FHIT: variants seen among roughly 807,000 people sequenced by gnomAD.
The protein encoded by FHIT is bis(5'-adenosyl)-triphosphatase.
Under a neutral mutation model 17.9 loss-of-function variants are expected in FHIT, and 19 were observed. That is an observed-to-expected ratio of 1.06 (90% CI 0.74 to 1.56). FHIT has a LOEUF of 1.56. FHIT is among the 40% of genes most tolerant of loss of function. The pLI is 0.00. For synonymous variants in FHIT, 81 were observed against 69.7 expected, an observed-to-expected ratio of 1.16 and a Z score of -0.81; for missense variants, 248 against 189.2, an observed-to-expected ratio of 1.31 and a Z score of -1.82.
intron 5 of FHIT, among the ~76,000 whole-genome samples, chr3:60,188,600 A>G (rs973099035): frequency 5.3e-5 from 8 of 152,146 alleles, no homozygotes; most frequent in Non-Finnish European, 1.0e-4. Flanking sequence ...CCTTCATTTC[A>G]TCCTTCAAAT....
At chr3:60,811,042 C>T (rs1346721741) in intron 4 of FHIT, among the ~76,000 whole-genome samples, 1 of 152,100 alleles carries the variant, frequency 6.6e-6, no homozygotes, top group Non-Finnish European at 1.5e-5. Flanking sequence ...GGCTCAGTTT[C>T]CTAATTTATG....
intron 5 of FHIT, among the ~76,000 whole-genome samples, chr3:60,060,310 T>A (rs1381016509): frequency 2.0e-5 from 3 of 152,194 alleles, no homozygotes; most frequent in Non-Finnish European, 4.4e-5. Context: ...AACCAAATTA[T>A]AATGAATTTA....
intron 8 of FHIT, among the ~76,000 whole-genome samples, chr3:59,791,057 C>T (rs1049123942): frequency 8.5e-5 from 13 of 152,124 alleles, no homozygotes; most frequent in Admixed American, 7.2e-4. Context: ...ATTAATGCTT[C>T]GTACTTAGGC....
chr3:61,183,318 G>GTGAATGAA (rs147134285), intron 2 of FHIT, among the ~76,000 whole-genome samples: 3 of 151,860 alleles, frequency 2.0e-5, no homozygotes, highest in African/African-American at 7.3e-5. Flanking sequence ...TCAACCACAA[G>GTGAATGAA]TGAATGAATG....
intron 5 of FHIT, among the ~76,000 whole-genome samples, chr3:60,361,601 A>C (rs750323317): frequency 3.3e-5 from 5 of 152,144 alleles, no homozygotes; most frequent in Non-Finnish European, 7.4e-5. Flanking sequence ...GCAACTACTG[A>C]GTCAGTTATG....
chr3:60,512,403 T>C (rs1322605428), intron 5 of FHIT, among the ~76,000 whole-genome samples: 1 of 152,228 alleles, frequency 6.6e-6, no homozygotes, highest in Non-Finnish European at 1.5e-5. Flanking sequence ...TTTCCACATA[T>C]GTCAGCTTAC....
At chr3:60,260,603 A>AT (rs1241255838) in intron 5 of FHIT, among the ~76,000 whole-genome samples, 1 of 151,852 alleles carries the variant, frequency 6.6e-6, no homozygotes, top group Non-Finnish European at 1.5e-5. Context: ...ATATTATGCT[A>AT]TTTTTTTCTT....
intron 4 of FHIT, among the ~76,000 whole-genome samples, chr3:60,719,912 A>G (rs1424875406): frequency 6.6e-6 from 1 of 151,974 alleles, no homozygotes; most frequent in African/African-American, 2.4e-5. Flanking sequence ...TGCAATGGCC[A>G]CTCAACTCAT....
chr3:60,536,674 G>C (rs1305300019), intron 5 of FHIT, 186 bp downstream of exon 5: 1 of 523,106 alleles, frequency 1.9e-6, no homozygotes, highest in Non-Finnish European at 3.1e-6. Context: ...TATTACTGGT[G>C]CCACCAACTG....
At chr3:60,056,633 A>T (rs1702095014) in intron 5 of FHIT, among the ~76,000 whole-genome samples, 1 of 152,180 alleles carries the variant, frequency 6.6e-6, no homozygotes, top group Non-Finnish European at 1.5e-5. Context: ...TGATGCCACC[A>T]CCGGTCTCCA....
At chr3:60,218,006 G>C (rs886396465) in intron 5 of FHIT, among the ~76,000 whole-genome samples, 2 of 152,044 alleles carry the variant, frequency 1.3e-5, no homozygotes, top group African/African-American at 4.8e-5. Flanking sequence ...TTTTGGTTTT[G>C]AAAAATTGTT....
At position 60,560,802 on chromosome 3, in the gene FHIT, GACACACAC is replaced by G. The variant is rs71092614; in HGVS notation, c.-17-23831_-17-23824del. On this transcript the variant is annotated intron_variant, in intron 4 of 9. Transcript: ENST00000492590. ...GTTGCCATTTCTACTGATGTAAGGAGACACACACACACACACACACACACACACACACA... is the reference window on the plus strand; with the variant it reads ...GTTGCCATTTCTACTGATGTAAGGAGACACACACACACACACACACACACA... Among the ~76,000 whole-genome samples the G allele has an allele frequency of 6.4e-3, 827 of 128,912 alleles. 4 individuals are homozygous for G. The highest frequency in any genetic ancestry group is 8.5e-3 in the Admixed American group (107 of 12,524). The allele number at this position is 128,912 out of a possible 152,430, so 84.6% of individuals were successfully genotyped here. A position where few individuals can be genotyped will look rare whatever the true frequency, so the allele number is the denominator to read the frequency against.
At position 59,747,423 on chromosome 3, in the gene FHIT, C is replaced by T. The variant is rs954380195; in HGVS notation, c.*2162G>A. On this transcript the variant is annotated 3_prime_UTR_variant, in exon 10 of 10. Transcript: ENST00000492590. ...AAACCATCACTATCAATCATGAGAA[C>T]AGCATGGGAAAGACCCTCCCCCTTG... is the stretch of plus-strand genomic sequence containing the variant. 6.6e-6 allele frequency among the ~76,000 whole-genome samples: 1 copy of T among 152,070 alleles called. No individual in the cohort carries two copies. The highest frequency in any genetic ancestry group is 1.5e-5 in the Non-Finnish European group (1 of 67,996).
chr3:59,992,435 T>C (rs990006232), intron 7 of FHIT, among the ~76,000 whole-genome samples: 5 of 152,106 alleles, frequency 3.3e-5, no homozygotes, highest in Non-Finnish European at 7.4e-5. Context: ...GACCGATAAG[T>C]ACAGTCTTCA....
chr3:61,077,499 C>T (rs938653373), intron 2 of FHIT, among the ~76,000 whole-genome samples: 2 of 151,982 alleles, frequency 1.3e-5, no homozygotes, highest in Admixed American at 6.6e-5. Flanking sequence ...AAAAAACAGC[C>T]ATGCCAGTAG....
chr3:60,759,158 T>C (rs1425026668), intron 4 of FHIT, among the ~76,000 whole-genome samples: 2 of 152,114 alleles, frequency 1.3e-5, no homozygotes, highest in African/African-American at 4.8e-5. Flanking sequence ...TCAAGAACTT[T>C]GGCTTCTATT....
intron 5 of FHIT, among the ~76,000 whole-genome samples, chr3:60,306,415 T>G (rs181627593): frequency 6.6e-6 from 1 of 152,306 alleles, no homozygotes; most frequent in East Asian, 1.9e-4. Context: ...CAAGGCTATG[T>G]GGAATAGAAA....
At chr3:60,978,678 C>T (rs1281678781) in intron 3 of FHIT, among the ~76,000 whole-genome samples, 2 of 152,102 alleles carry the variant, frequency 1.3e-5, no homozygotes, top group Non-Finnish European at 2.9e-5. Flanking sequence ...CATTTTTTAA[C>T]TCTCAGGGCA....
rs146707920 is a variant in FHIT at position 60,955,227 on chromosome 3, G to GA, written c.-111+86819dup. On this transcript the variant is annotated intron_variant, in intron 3 of 9. Transcript: ENST00000492590. Reference sequence around the variant, plus strand: ...TCACATAGGAATATTATATAGCAGTGAAAAGGAAGGAACTACGGCCACATG... The same window carrying GA: ...TCACATAGGAATATTATATAGCAGTGAAAAAGGAAGGAACTACGGCCACATG... Among the ~76,000 whole-genome samples the GA allele has an allele frequency of 8.1e-3, 1,231 of 152,210 alleles. 14 individuals carry two copies. Among genetic ancestry groups the GA allele is most frequent in the African/African-American group, 0.028 (1,182 of 41,528 alleles).
Sources: gnomAD v4.1 joint callset for allele counts (sites outside exome capture counted in the v4.1 genomes callset) on GRCh38, gnomAD v4.1.1 for gene constraint, MANE v1.5 for transcripts, NCBI Gene and HGNC (gene_info 2026-07-23, HGNC 2026-07-21) for gene names.